Variants in CLIC5 observed in about 807,000 individuals in gnomAD.
CLIC5 encodes the protein CLIC family member 5.
CLIC5 carries 20 observed loss-of-function variants against 24.7 expected under a neutral mutation model. The observed-to-expected ratio is 0.81, with a 90% CI of 0.57 to 1.18. The LOEUF is 1.18. CLIC5 is among the 50% of genes most tolerant of loss of function. CLIC5 has a pLI of 0.00. For synonymous variants in CLIC5, 159 were observed against 135.6 expected, an observed-to-expected ratio of 1.17 and a Z score of -1.20; for missense variants, 341 against 326.1, an observed-to-expected ratio of 1.05 and a Z score of -0.35.
the CLIC5 span, among the ~76,000 whole-genome samples, chr6:46,092,478 T>A: frequency 6.6e-6 from 1 of 152,246 alleles, no homozygotes; most frequent in African/African-American, 2.4e-5. Flanking sequence ...TGTGTTTTAT[T>A]CCTGCCCTGA....
intron 3 of CLIC5, among the ~76,000 whole-genome samples, chr6:45,943,320 T>G (rs1299141541): frequency 1.3e-5 from 2 of 152,220 alleles, no homozygotes; most frequent in Non-Finnish European, 2.9e-5. Context: ...CTGCCCACCT[T>G]GGAGGAGCTG....
intron 1 of CLIC5, among the ~76,000 whole-genome samples, chr6:46,026,167 C>T (rs866685070): frequency 3.3e-5 from 5 of 152,096 alleles, no homozygotes; most frequent in African/African-American, 1.2e-4. Flanking sequence ...ATTACAAGTG[C>T]TTTCTTGGAG....
At chr6:45,999,952 T>G (rs1766293132) in intron 1 of CLIC5, among the ~76,000 whole-genome samples, 2 of 90,726 alleles carry the variant, frequency 2.2e-5, no homozygotes, top group East Asian at 5.2e-4. Context: ...GGGTTTCACC[T>G]TGTTAGCCAG....
In CLIC5 at chr6:46,076,108, C is replaced by A. The variant is rs77387648; in HGVS notation, c.540+3595G>T. Among the ~76,000 whole-genome samples, 565 of 152,302 alleles carry A rather than the reference C, an allele frequency of 3.7e-3. 4 individuals carry two copies. The highest frequency in any genetic ancestry group is 0.012 in the African/African-American group (517 of 41,562). On this transcript the variant is annotated intron_variant, in intron 1 of 5. Coordinates refer to the CLIC5 transcript ENST00000185206. ...TAAAAAGGTGGCCATACTGTTCCTT[C>A]CAAAATCGCCCAATGCCTCCCGCTG...
intron 1 of CLIC5, among the ~76,000 whole-genome samples, chr6:46,062,739 C>T (rs191583253): frequency 3.5e-4 from 54 of 152,290 alleles, no homozygotes; most frequent in Non-Finnish European, 4.7e-4. Context: ...TTCCTAGGTA[C>T]GCATCACAAT....
intron 1 of CLIC5, among the ~76,000 whole-genome samples, chr6:45,965,391 A>G (rs1244889810): frequency 6.6e-6 from 1 of 152,238 alleles, no homozygotes; most frequent in Non-Finnish European, 1.5e-5. Context: ...CCCAAGGAAT[A>G]TAGATGGTTG....
chr6:45,982,681 C>T (rs78250691), intron 1 of CLIC5, among the ~76,000 whole-genome samples: 3,317 of 152,196 alleles, frequency 0.022, 128 homozygotes, highest in African/African-American at 0.076. Flanking sequence ...CTACGGGGTC[C>T]GTCGTTGGCT....
At chr6:45,910,434 C>T (rs964531547) in intron 5 of CLIC5, among the ~76,000 whole-genome samples, 5 of 152,292 alleles carry the variant, frequency 3.3e-5, no homozygotes, top group Non-Finnish European at 7.4e-5. Context: ...AGACAAGGTT[C>T]TCTAGTGTCA....
chr6:46,010,008 G>T (rs1766747248), intron 1 of CLIC5, among the ~76,000 whole-genome samples: 1 of 152,126 alleles, frequency 6.6e-6, no homozygotes, highest in Non-Finnish European at 1.5e-5. Flanking sequence ...TCCAGTGGTG[G>T]TTGCACTGTA....
chr6:46,077,565 T>C lies in CLIC5; in HGVS notation c.540+2138A>G, dbSNP rs566481468. Among the ~76,000 whole-genome samples, 34 of 152,150 alleles carry C rather than the reference T, an allele frequency of 2.2e-4. No homozygotes were observed. In the South Asian group the frequency reaches 6.2e-3, roughly 28 times the overall value. On this transcript the variant is annotated intron_variant, in intron 1 of 5. Transcript: ENST00000185206. The stretch of plus-strand genomic sequence containing the variant: ...CTGTTTTACTCGATTTTATATATTC[T>C]ACTTCCATTCAACATTGGGTAAGGA...
chr6:46,037,838 T>G (rs1217478449), intron 1 of CLIC5, among the ~76,000 whole-genome samples: 1 of 152,190 alleles, frequency 6.6e-6, no homozygotes, highest in Non-Finnish European at 1.5e-5. Flanking sequence ...GGGGGCTGAA[T>G]AACTACAGAA....
At chr6:45,912,291 T>C (rs565995804) in intron 5 of CLIC5, 1 of 1,003,686 alleles carries the variant, frequency 1.0e-6, no homozygotes, top group South Asian at 4.3e-5. Flanking sequence ...CCTTTGTTCT[T>C]TCATTGGCCA....
At chr6:46,082,193 A>G (rs1307320225), upstream of CLIC5, among the ~76,000 whole-genome samples, 16 of 152,180 alleles carry the variant, frequency 1.1e-4, no homozygotes, top group Admixed American at 9.8e-4. Context: ...AGAATAGTAT[A>G]CAGCATGTGC....
chr6:46,063,755 A>C (rs1397146223), intron 1 of CLIC5, among the ~76,000 whole-genome samples: 19 of 152,322 alleles, frequency 1.2e-4, no homozygotes, highest in Non-Finnish European at 2.9e-5. Flanking sequence ...CTCCTAGTAC[A>C]CAGGGCATTG....
At chr6:46,078,576 G>T (rs1762835751) in intron 1 of CLIC5, among the ~76,000 whole-genome samples, 1 of 152,126 alleles carries the variant, frequency 6.6e-6, no homozygotes, top group South Asian at 2.1e-4. Flanking sequence ...AATACATTGA[G>T]TGCAAGTCTG....
At chr6:46,027,771 A>G (rs1767374312) in intron 1 of CLIC5, among the ~76,000 whole-genome samples, 1 of 152,140 alleles carries the variant, frequency 6.6e-6, no homozygotes, top group African/African-American at 2.4e-5. Flanking sequence ...AAAATTCCTC[A>G]CACTTGGTTT....
At chr6:45,965,338 C>A (rs555952721) in intron 1 of CLIC5, among the ~76,000 whole-genome samples, 1 of 152,142 alleles carries the variant, frequency 6.6e-6, no homozygotes, top group East Asian at 1.9e-4. Context: ...AACCAAACAC[C>A]TTTTTCAAGT....
intron 6 of CLIC5, among the ~76,000 whole-genome samples, chr6:45,883,500 C>G (rs749224905): frequency 1.3e-5 from 2 of 152,120 alleles, no homozygotes; most frequent in African/African-American, 4.8e-5. Context: ...GTGATGGGCT[C>G]CTGGCATGGG....
At chr6:46,074,722 G>T (rs572309856) in intron 1 of CLIC5, among the ~76,000 whole-genome samples, 68 of 152,294 alleles carry the variant, frequency 4.5e-4, no homozygotes, top group African/African-American at 1.3e-3. Context: ...AGAAACCATA[G>T]TCAGTGTTGA....
Sources: gnomAD v4.1 joint callset for allele counts (sites outside exome capture counted in the v4.1 genomes callset) on GRCh38, gnomAD v4.1.1 for gene constraint, MANE v1.5 for transcripts, NCBI Gene and HGNC (gene_info 2026-07-23, HGNC 2026-07-21) for gene names.